Variants in IFT74 observed in about 807,000 individuals in gnomAD.
The protein encoded by IFT74 is intraflagellar transport 74.
A neutral mutation model predicts 96.7 loss-of-function variants in IFT74; 92 were observed. That is an observed-to-expected ratio of 0.95 (90% CI 0.80 to 1.13). The LOEUF is 1.13. Ranked by LOEUF, IFT74 falls within the 50% of genes most tolerant of loss-of-function variation. The probability of loss-of-function intolerance (pLI) is 0.00; values close to 1 mark genes in which losing one functional copy is unlikely to be tolerated. For missense variants in IFT74, 811 were observed against 698.2 expected (o/e 1.16, Z -1.82); for synonymous variants, 223 against 213.2 (o/e 1.05, Z -0.40).
intron 3 of IFT74, among the ~76,000 whole-genome samples, chr9:26,979,899 G>C (rs1371499433): frequency 6.6e-6 from 1 of 151,618 alleles, no homozygotes; most frequent in African/African-American, 2.4e-5. Context: ...ATTTTTAGTA[G>C]AGATGGGGTT....
chr9:27,030,294 A>G (rs1266786680), intron 13 of IFT74, among the ~76,000 whole-genome samples: 1 of 152,086 alleles, frequency 6.6e-6, no homozygotes, highest in Admixed American at 6.6e-5. Flanking sequence ...TGGCTCAATC[A>G]CAGCTCACTG....
chr9:27,036,604 C>G, intron 13 of IFT74: 1 of 1,544,826 alleles, frequency 6.5e-7, no homozygotes, highest in Non-Finnish European at 8.7e-7. Context: ...TCTTCAGTCT[C>G]TCTCTAGCAC....
chr9:27,005,253 C>A (rs1828706345), intron 8 of IFT74, among the ~76,000 whole-genome samples: 2 of 150,006 alleles, frequency 1.3e-5, no homozygotes, highest in Admixed American at 1.3e-4. Context: ...TTTTATCTTG[C>A]CAATTGGCTT....
intron 13 of IFT74, among the ~76,000 whole-genome samples, chr9:27,040,321 TG>T (rs1819415234): frequency 6.6e-6 from 1 of 151,722 alleles, no homozygotes; most frequent in African/African-American, 2.4e-5. Context: ...GAGGCTGAAG[TG>T]GGGGGATCAC....
At position 27,062,609 on chromosome 9, in the gene IFT74, T is replaced by C; in HGVS notation, c.1685-9T>C. On this transcript the variant is annotated splice_polypyrimidine_tract_variant and intron_variant, in intron 19 of 19. Coordinates refer to ENST00000380062, the MANE Select transcript of IFT74 (RefSeq NM_025103.4). Reference sequence around the variant, plus strand: ...TGACATTGTTTTCCCCCTTAACTCATGTAATTAGTCATAGCAACCAAGAGT... The same window carrying C: ...TGACATTGTTTTCCCCCTTAACTCACGTAATTAGTCATAGCAACCAAGAGT... 1 of 1,457,362 alleles carries C rather than the reference T, an allele frequency of 6.9e-7. No individual in the cohort carries two copies. Among genetic ancestry groups the C allele is most frequent in the East Asian group, 2.3e-5 (1 of 43,524 alleles). The allele number at this position is 1,457,362 out of a possible 1,614,324, so 90.3% of individuals were successfully genotyped here. A position where few individuals can be genotyped will look rare whatever the true frequency, so the allele number is the denominator to read the frequency against.
chr9:27,036,359 G>C, intron 13 of IFT74: 1 of 1,465,352 alleles, frequency 6.8e-7, no homozygotes, highest in Non-Finnish European at 9.0e-7. Context: ...GCCAAAGTTA[G>C]TTTAAAACAT....
intron 3 of IFT74, 26 bp from the exon 4 acceptor site, chr9:26,980,545 C>G (rs369009838): frequency 7.9e-6 from 12 of 1,523,594 alleles, no homozygotes; most frequent in Non-Finnish European, 1.1e-5. Flanking sequence ...GAACTGAACA[C>G]TAACACTTAA....
chr9:27,051,612 G>A (rs1245404467), intron 16 of IFT74, among the ~76,000 whole-genome samples: 2 of 152,048 alleles, frequency 1.3e-5, no homozygotes, highest in Non-Finnish European at 2.9e-5. Flanking sequence ...GGAGACCACC[G>A]TTCTACTTCT....
chr9:27,028,496 G>A (rs1404487851), intron 12 of IFT74, among the ~76,000 whole-genome samples: 9 of 152,142 alleles, frequency 5.9e-5, no homozygotes, highest in African/African-American at 1.7e-4. Flanking sequence ...AGTGGCTCGC[G>A]CCTGTAATCC....
At chr9:26,987,911 T>G (rs1827704539) in intron 6 of IFT74, among the ~76,000 whole-genome samples, 1 of 152,138 alleles carries the variant, frequency 6.6e-6, no homozygotes, top group Admixed American at 6.6e-5. Context: ...AAAGAATATC[T>G]TTTTATGTTT....
intron 4 of IFT74, chr9:26,982,328 A>G (rs565175473): frequency 7.0e-4 from 309 of 439,666 alleles, no homozygotes; most frequent in Non-Finnish European, 1.3e-3. Context: ...CAATGATGGG[A>G]TCTCACGTCA....
chr9:27,039,469 G>A (rs1819370777), intron 13 of IFT74, among the ~76,000 whole-genome samples: 1 of 152,182 alleles, frequency 6.6e-6, no homozygotes, highest in South Asian at 2.1e-4. Flanking sequence ...GGCTGAGGCA[G>A]GAGGATTTCT....
intron 2 of IFT74, among the ~76,000 whole-genome samples, chr9:26,962,934 T>G (rs113030045): frequency 6.9e-6 from 1 of 144,592 alleles, no homozygotes; most frequent in Non-Finnish European, 1.5e-5. Flanking sequence ...TAATTTTTTT[T>G]TTTTTCTTTT....
intron 6 of IFT74, among the ~76,000 whole-genome samples, chr9:26,986,557 T>A (rs934310569): frequency 6.6e-6 from 1 of 152,206 alleles, no homozygotes; most frequent in Non-Finnish European, 1.5e-5. Context: ...GCTCAAGTGA[T>A]CTGCCCACCT....
intron 12 of IFT74, among the ~76,000 whole-genome samples, chr9:27,022,244 T>C (rs1373587728): frequency 2.6e-5 from 4 of 152,150 alleles, no homozygotes; most frequent in African/African-American, 9.7e-5. Context: ...GTCCTTATAG[T>C]GTAGTTTGAA....
chr9:27,057,918 A>G (rs534958012), intron 18 of IFT74, among the ~76,000 whole-genome samples: 3 of 152,254 alleles, frequency 2.0e-5, no homozygotes, highest in Admixed American at 2.0e-4. Context: ...AGAGCAAAAT[A>G]AAAATGATGT....
chr9:26,990,284 C>T, intron 8 of IFT74, 89 bp downstream of exon 8: 1 of 640,098 alleles, frequency 1.6e-6, no homozygotes, highest in African/African-American at 1.9e-5. Context: ...TGTAAATTTT[C>T]TTAACAATTT....
chr9:27,055,567 T>G, intron 16 of IFT74, 42 bp from the exon 17 acceptor site: 1 of 1,400,694 alleles, frequency 7.1e-7, no homozygotes. Flanking sequence ...GTGAAAGGAA[T>G]AAAATTTTGA....
At position 27,064,573 on chromosome 9, in the gene IFT74, T is replaced by C. The variant is rs1185284220; in HGVS notation, c.*1837T>C. On this transcript the variant is annotated 3_prime_UTR_variant, in exon 20 of 20. Coordinates refer to ENST00000380062, the MANE Select transcript of IFT74 (RefSeq NM_025103.4). The stretch of plus-strand genomic sequence containing the variant: ...TATACAGTAACAAACAGAGGTATGA[T>C]TGAGCATAGAGTTTAGGCAAGAGAA... Among the ~76,000 whole-genome samples the C allele has an allele frequency of 1.3e-5, 2 of 152,126 alleles. No individual in the cohort carries two copies. Among genetic ancestry groups the C allele is most frequent in the Admixed American group, 1.3e-4 (2 of 15,276 alleles).
Sources: gnomAD v4.1 joint callset for allele counts (sites outside exome capture counted in the v4.1 genomes callset) on GRCh38, gnomAD v4.1.1 for gene constraint, MANE v1.5 for transcripts, NCBI Gene and HGNC (gene_info 2026-07-23, HGNC 2026-07-21) for gene names.